The following MTUS2 variants were observed in gnomAD, a reference collection of about 807,000 sequenced individuals.
MTUS2 encodes microtubule-associated tumor suppressor candidate 2.
A neutral mutation model predicts 114.1 loss-of-function variants in MTUS2; 40 were observed. That is an observed-to-expected ratio of 0.35 (90% CI 0.27 to 0.46). The LOEUF (loss-of-function observed/expected upper bound fraction) is 0.46. Ranked by LOEUF, MTUS2 falls within the 20% of genes least tolerant of loss-of-function variation. The pLI is 1.00. For missense variants in MTUS2, 1,679 were observed against 1,705.4 expected, an observed-to-expected ratio of 0.98 and a Z score of 0.27; for synonymous variants, 688 against 672.0, an observed-to-expected ratio of 1.02 and a Z score of -0.37.
chr13:29,482,959 G>T (rs1881307114), intron 10 of MTUS2, among the ~76,000 whole-genome samples: 1 of 152,142 alleles, frequency 6.6e-6, no homozygotes, highest in African/African-American at 2.4e-5. Context: ...TGCACCCCAG[G>T]CCAACAGTCT....
At chr13:29,291,803 T>G (rs1459401140) in intron 6 of MTUS2, among the ~76,000 whole-genome samples, 2 of 151,730 alleles carry the variant, frequency 1.3e-5, no homozygotes, top group African/African-American at 4.8e-5. Context: ...AAAATGGAAT[T>G]GAGTTGTCAA....
chr13:29,101,976 T>C (rs1890437762), intron 5 of MTUS2, among the ~76,000 whole-genome samples: 1 of 152,230 alleles, frequency 6.6e-6, no homozygotes, highest in Non-Finnish European at 1.5e-5. Context: ...ACATTTCCCT[T>C]TGTCTTGATG....
intron 5 of MTUS2, among the ~76,000 whole-genome samples, chr13:29,220,762 C>T (rs1895875629): frequency 6.6e-6 from 1 of 152,034 alleles, no homozygotes; most frequent in African/African-American, 2.4e-5. Flanking sequence ...TGAAAATTAC[C>T]AGAATGTGAC....
chr13:29,444,412 C>G (rs1056607570), intron 9 of MTUS2, among the ~76,000 whole-genome samples: 5 of 152,044 alleles, frequency 3.3e-5, no homozygotes, highest in Non-Finnish European at 7.4e-5. Flanking sequence ...GCCTGGGCAA[C>G]AAGAGCAAAA....
chr13:29,411,005 T>A (rs1875191707), intron 8 of MTUS2, among the ~76,000 whole-genome samples: 1 of 152,104 alleles, frequency 6.6e-6, no homozygotes, highest in Non-Finnish European at 1.5e-5. Context: ...CTAATTTTTG[T>A]AATTTTAGTA....
At chr13:29,438,155 C>G (rs893799646) in intron 8 of MTUS2, among the ~76,000 whole-genome samples, 3 of 152,136 alleles carry the variant, frequency 2.0e-5, no homozygotes, top group African/African-American at 7.2e-5. Flanking sequence ...ATCCTCATGA[C>G]AACCCTGCAC....
intron 10 of MTUS2, chr13:29,485,234 C>T (rs1881513302): frequency 6.6e-6 from 1 of 152,662 alleles, no homozygotes; most frequent in Admixed American, 6.5e-5. Flanking sequence ...TAAATCTCCT[C>T]CAATTCCTTC....
chr13:29,488,063 CTGCTGCA>C, intron 11 of MTUS2, 58 bp downstream of exon 11: 1 of 1,345,924 alleles, frequency 7.4e-7, no homozygotes, highest in South Asian at 1.2e-5. Flanking sequence ...CGAGCCTTTC[CTGCTGCA>C]GATGTGTGGA....
intron 5 of MTUS2, among the ~76,000 whole-genome samples, chr13:29,163,738 T>C (rs1025617218): frequency 2.6e-5 from 4 of 152,150 alleles, no homozygotes; most frequent in Non-Finnish European, 5.9e-5. Context: ...AGCGAGCGCA[T>C]GTAGGGATGT....
intron 6 of MTUS2, among the ~76,000 whole-genome samples, chr13:29,301,089 A>G (rs1386840480): frequency 6.6e-6 from 1 of 152,150 alleles, no homozygotes; most frequent in Non-Finnish European, 1.5e-5. Context: ...TTGGGCCCAC[A>G]CTTTGCTAAT....
At chr13:29,049,441 A>G (rs1887787669) in intron 4 of MTUS2, among the ~76,000 whole-genome samples, 1 of 152,192 alleles carries the variant, frequency 6.6e-6, no homozygotes, top group African/African-American at 2.4e-5. Flanking sequence ...TATGCCAAAC[A>G]TCATCTGGAC....
intron 8 of MTUS2, among the ~76,000 whole-genome samples, chr13:29,399,743 A>G (rs901844137): frequency 2.0e-5 from 3 of 152,356 alleles, no homozygotes; most frequent in Non-Finnish European, 4.4e-5. Flanking sequence ...AAGAGGCATT[A>G]TTAAAAACAA....
intron 5 of MTUS2, among the ~76,000 whole-genome samples, chr13:29,149,705 A>G (rs1365303383): frequency 6.6e-6 from 1 of 152,152 alleles, no homozygotes; most frequent in Non-Finnish European, 1.5e-5. Flanking sequence ...TATATAGTGT[A>G]AAGAAGGGGC....
chr13:29,202,589 C>A (rs1481811711), intron 5 of MTUS2, among the ~76,000 whole-genome samples: 1 of 152,156 alleles, frequency 6.6e-6, no homozygotes, highest in Non-Finnish European at 1.5e-5. Context: ...AAGAGGCATT[C>A]TGGTTTTTGG....
intron 6 of MTUS2, among the ~76,000 whole-genome samples, chr13:29,323,508 C>A (rs1046301573): frequency 6.6e-6 from 1 of 152,116 alleles, no homozygotes; most frequent in Non-Finnish European, 1.5e-5. Context: ...CCTCGGCCTC[C>A]CAAAGTGCTG....
chr13:29,333,067 G>C (rs1308219149), intron 7 of MTUS2, among the ~76,000 whole-genome samples: 1 of 152,092 alleles, frequency 6.6e-6, no homozygotes, highest in Non-Finnish European at 1.5e-5. Flanking sequence ...CTGGTACGTT[G>C]TGTCTTTGTT....
chr13:29,391,668 G>A (rs1189362604), intron 8 of MTUS2, among the ~76,000 whole-genome samples: 2 of 148,976 alleles, frequency 1.3e-5, no homozygotes, highest in Admixed American at 1.3e-4. Flanking sequence ...TTTTAATTGT[G>A]GCAAAATATA....
intron 7 of MTUS2, among the ~76,000 whole-genome samples, chr13:29,337,819 C>G (rs559796898): frequency 1.4e-5 from 2 of 146,536 alleles, no homozygotes; most frequent in Non-Finnish European, 3.0e-5. Context: ...GACAGAGTCT[C>G]GCTCTGTTGC....
At chr13:28,907,037 G>A (rs934163533) in intron 2 of MTUS2, among the ~76,000 whole-genome samples, 2 of 151,666 alleles carry the variant, frequency 1.3e-5, no homozygotes, top group African/African-American at 4.9e-5. Flanking sequence ...AAGCCCATCA[G>A]GCTAACAGCA....
Sources: gnomAD v4.1 joint callset for allele counts (sites outside exome capture counted in the v4.1 genomes callset) on GRCh38, gnomAD v4.1.1 for gene constraint, MANE v1.5 for transcripts, NCBI Gene and HGNC (gene_info 2026-07-23, HGNC 2026-07-21) for gene names.